FSTL4: variants seen among roughly 807,000 people sequenced by gnomAD.
FSTL4 encodes follistatin like 4.
FSTL4 carries 28 observed loss-of-function variants against 78.2 expected under a neutral mutation model. That is an observed-to-expected ratio of 0.36 (90% CI 0.27 to 0.49). The LOEUF (loss-of-function observed/expected upper bound fraction) is 0.49. Ranked by LOEUF, FSTL4 falls within the 20% of genes least tolerant of loss-of-function variation. The pLI, the probability that FSTL4 is intolerant of heterozygous loss-of-function variation, is 0.98. For synonymous variants in FSTL4, 422 were observed against 440.5 expected, an observed-to-expected ratio of 0.96 and a Z score of 0.53; for missense variants, 922 against 1,084.9, an observed-to-expected ratio of 0.85 and a Z score of 2.11.
intron 3 of FSTL4, among the ~76,000 whole-genome samples, chr5:133,557,545 CATTA>C (rs1479022624): frequency 1.3e-5 from 2 of 152,238 alleles, no homozygotes; most frequent in Non-Finnish European, 2.9e-5. Flanking sequence ...CAGCACACAG[CATTA>C]ATTAAGTGCA....
chr5:133,812,259 T>C, the FSTL4 span, among the ~76,000 whole-genome samples: 1 of 152,220 alleles, frequency 6.6e-6, no homozygotes, highest in Non-Finnish European at 1.5e-5. Context: ...GCTTCCAGAC[T>C]TGCACCTCTG....
chr5:133,313,881 C>A (rs1240621576), intron 5 of FSTL4, among the ~76,000 whole-genome samples: 1 of 152,142 alleles, frequency 6.6e-6, no homozygotes, highest in Non-Finnish European at 1.5e-5. Context: ...TTCCCCAGCA[C>A]CTTTGATTCA....
intron 13 of FSTL4, among the ~76,000 whole-genome samples, chr5:133,211,391 T>A (rs900024609): frequency 6.6e-6 from 1 of 152,190 alleles, no homozygotes; most frequent in African/African-American, 2.4e-5. Flanking sequence ...TCAATCCACA[T>A]GGAAGAGTCA....
At chr5:133,224,099 G>T in intron 11 of FSTL4, 91 bp downstream of exon 11, 1 of 999,644 alleles carries the variant, frequency 1.0e-6, no homozygotes, top group Non-Finnish European at 1.6e-6. Context: ...CTTTGTGTGG[G>T]AAAGCTGGTG....
chr5:133,365,175 G>A (rs1233433755), intron 4 of FSTL4, among the ~76,000 whole-genome samples: 1 of 151,804 alleles, frequency 6.6e-6, no homozygotes, highest in East Asian at 1.9e-4. Context: ...TTTGAGTTTT[G>A]ACTGTTGTTG....
At chr5:133,731,901 C>T in the FSTL4 span, among the ~76,000 whole-genome samples, 17 of 152,308 alleles carry the variant, frequency 1.1e-4, no homozygotes, top group Middle Eastern at 3.4e-3. Context: ...TCCTTCCTCT[C>T]CCTTATTCTA....
chr5:133,268,857 T>C (rs1288457452), intron 6 of FSTL4, among the ~76,000 whole-genome samples: 1 of 151,994 alleles, frequency 6.6e-6, no homozygotes, highest in Non-Finnish European at 1.5e-5. Context: ...AGGGGATTGG[T>C]TATTATGTTT....
chr5:133,742,586 C>G, the FSTL4 span, among the ~76,000 whole-genome samples: 14 of 151,998 alleles, frequency 9.2e-5, no homozygotes, highest in Non-Finnish European at 1.5e-5. Context: ...ATGTGGGTAC[C>G]TGTTATCCCT....
chr5:133,461,438 C>T (rs935406094), intron 3 of FSTL4, among the ~76,000 whole-genome samples: 20 of 152,200 alleles, frequency 1.3e-4, no homozygotes, highest in Non-Finnish European at 2.2e-4. Flanking sequence ...GTTCCATATC[C>T]TAACTCTACA....
At chr5:133,465,359 G>A (rs986508025) in intron 3 of FSTL4, among the ~76,000 whole-genome samples, 3 of 152,278 alleles carry the variant, frequency 2.0e-5, no homozygotes, top group East Asian at 3.9e-4. Flanking sequence ...CCTCTCATCC[G>A]TAAGACCGTG....
chr5:133,574,158 T>C (rs1325382786), intron 2 of FSTL4, among the ~76,000 whole-genome samples: 2 of 152,234 alleles, frequency 1.3e-5, no homozygotes, highest in African/African-American at 4.8e-5. Flanking sequence ...TGAGAATATA[T>C]AAAATACTTT....
At chr5:133,561,326 GCACA>G (rs1345531080) in intron 3 of FSTL4, among the ~76,000 whole-genome samples, 2 of 151,972 alleles carry the variant, frequency 1.3e-5, no homozygotes, top group Non-Finnish European at 2.9e-5. Flanking sequence ...CAAGGCGTCT[GCACA>G]CACAGTCACC....
the FSTL4 span, among the ~76,000 whole-genome samples, chr5:133,830,643 G>C: frequency 1.3e-5 from 2 of 152,300 alleles, no homozygotes; most frequent in South Asian, 2.1e-4. Flanking sequence ...CGAGCCTCAG[G>C]CAGGGCCATG....
upstream of FSTL4, among the ~76,000 whole-genome samples, chr5:133,612,901 A>C (rs1449354989): frequency 6.6e-6 from 1 of 152,220 alleles, no homozygotes; most frequent in Non-Finnish European, 1.5e-5. This position sits in a 1 kb window ranked among gnomAD's most constrained non-coding sequence, Gnocchi z 6.2. Context: ...CGTGGAGTCC[A>C]GGCGGGCCGG....
chr5:133,808,045 C>T, the FSTL4 span, among the ~76,000 whole-genome samples: 6 of 152,298 alleles, frequency 3.9e-5, no homozygotes, highest in East Asian at 1.9e-4. Flanking sequence ...TTCATCTGCA[C>T]GACCTGCAAT....
intron 4 of FSTL4, among the ~76,000 whole-genome samples, chr5:133,381,669 C>T (rs1159576114): frequency 6.6e-6 from 1 of 152,234 alleles, no homozygotes; most frequent in East Asian, 1.9e-4. Flanking sequence ...TACACATTTT[C>T]ATCCCACTGT....
At chr5:133,763,137 G>A in the FSTL4 span, among the ~76,000 whole-genome samples, 19 of 152,220 alleles carry the variant, frequency 1.2e-4, no homozygotes, top group Admixed American at 2.6e-4. Flanking sequence ...CCAGGACTGT[G>A]AATCCTGAAA....
intron 3 of FSTL4, among the ~76,000 whole-genome samples, chr5:133,437,490 T>G (rs1046212405): frequency 7.1e-5 from 10 of 141,700 alleles, no homozygotes; most frequent in Non-Finnish European, 3.0e-5. Context: ...TAGGTGTTTT[T>G]TTTTTTTTTT....
chr5:133,279,156 G>A (rs1752955309), intron 6 of FSTL4, among the ~76,000 whole-genome samples: 1 of 152,214 alleles, frequency 6.6e-6, no homozygotes, highest in Non-Finnish European at 1.5e-5. Context: ...TAGACCAGGG[G>A]TTCCCAATCT....
Sources: allele counts gnomAD v4.1 joint callset (sites outside exome capture counted in the v4.1 genomes callset), GRCh38; gene constraint gnomAD v4.1.1; non-coding constraint Gnocchi (gnomAD v3.1); transcripts MANE v1.5; gene names NCBI Gene and HGNC (gene_info 2026-07-23, HGNC 2026-07-21).